The following CORO2B variants were observed in gnomAD, a reference collection of about 807,000 sequenced individuals.
The protein encoded by CORO2B is coronin-2B.
Under a neutral mutation model 58.8 loss-of-function variants are expected in CORO2B, and 26 were observed. The ratio of observed to expected loss-of-function variants is 0.44; its 90% CI spans 0.32 to 0.61. The LOEUF is 0.61. Among genes scored for constraint, CORO2B ranks in the 20% least tolerant of loss-of-function variants. The pLI is 0.04. For missense variants in CORO2B, 460 were observed against 645.1 expected (o/e 0.71, Z 3.11); for synonymous variants, 242 against 253.8 (o/e 0.95, Z 0.44).
intron 2 of CORO2B, 104 bp from the exon 3 acceptor site, chr15:68,695,036 C>A (rs1341175189): frequency 2.4e-6 from 2 of 837,298 alleles, no homozygotes; most frequent in Non-Finnish European, 4.0e-6. Context: ...CCTCAAGGAC[C>A]TTCCAGTCCA....
At chr15:68,663,836 C>T (rs16952350) in intron 2 of CORO2B, among the ~76,000 whole-genome samples, 9,749 of 152,232 alleles carry the variant, frequency 0.064, 680 homozygotes, top group African/African-American at 0.18. Context: ...AATTAGCATT[C>T]TTATTAAGAC....
intron 1 of CORO2B, among the ~76,000 whole-genome samples, chr15:68,627,205 TTATGTC>T (rs1213284091): frequency 2.0e-5 from 3 of 152,270 alleles, no homozygotes; most frequent in East Asian, 1.9e-4. Context: ...TTGTTTTACT[TTATGTC>T]TGTGTATTCA....
chr15:68,544,596 A>G, the CORO2B span, among the ~76,000 whole-genome samples: 1 of 152,168 alleles, frequency 6.6e-6, no homozygotes, highest in African/African-American at 2.4e-5. Context: ...TGGTCTCCTC[A>G]AGGAAACAAT....
At chr15:68,672,159 G>GGTGTGTGTGTGTGTGTGTGTGTGTGTGT (rs60989044) in intron 2 of CORO2B, among the ~76,000 whole-genome samples, 12 of 146,288 alleles carry the variant, frequency 8.2e-5, no homozygotes, top group East Asian at 2.0e-4. Context: ...GTAATCGGGA[G>GGTGTGTGTGTGTGTGTGTGTGTGTGTGT]GTGTGTGTGT....
At chr15:68,689,089 T>A (rs1448822431) in intron 2 of CORO2B, among the ~76,000 whole-genome samples, 2 of 144,966 alleles carry the variant, frequency 1.4e-5, no homozygotes, top group Non-Finnish European at 3.0e-5. Context: ...CAGCTGCGAT[T>A]CAACATTTGA....
At chr15:68,587,102 T>A (rs1456222463) in intron 1 of CORO2B, among the ~76,000 whole-genome samples, 1 of 147,408 alleles carries the variant, frequency 6.8e-6, no homozygotes, top group Admixed American at 6.8e-5. Flanking sequence ...ACACAATTTT[T>A]TTCTAAAGTG....
chr15:68,538,063 C>T, the CORO2B span, among the ~76,000 whole-genome samples: 4 of 152,180 alleles, frequency 2.6e-5, no homozygotes, highest in African/African-American at 9.7e-5. Flanking sequence ...CATTTACTTA[C>T]GTTACCTTTA....
At position 68,718,738 on chromosome 15, in the gene CORO2B, G is replaced by A; in HGVS notation, c.1008G>A (p.Glu336=). 1 of 1,614,210 alleles carries A rather than the reference G, an allele frequency of 6.2e-7. No homozygotes were observed. The highest frequency in any genetic ancestry group is 8.5e-7 in the Non-Finnish European group (1 of 1,180,038). ...ACGGGCTGGATGTGTCAGCCTGCGA[G>A]GTGTTCCGCTTCTACAAGCTGGTGA... ...PKHGLDVSAC[E]VFRFYKLVTL... Residue 336 remains glutamate, a synonymous_variant, in exon 9 of 12, where the codon GAG becomes GAA. Coordinates refer to ENST00000261861, the MANE Select transcript of CORO2B (RefSeq NM_006091.5).
chr15:68,537,355 C>T, the CORO2B span, among the ~76,000 whole-genome samples: 1 of 152,170 alleles, frequency 6.6e-6, no homozygotes, highest in African/African-American at 2.4e-5. Flanking sequence ...CATTATTCTC[C>T]AGAGACTACT....
intron 2 of CORO2B, among the ~76,000 whole-genome samples, chr15:68,669,685 G>A (rs374023266): frequency 8.6e-5 from 13 of 152,044 alleles, no homozygotes; most frequent in Non-Finnish European, 5.9e-5. Flanking sequence ...GTGGGTTTTG[G>A]GCTCAACAAA....
chr15:68,713,892 C>T, intron 5 of CORO2B, 33 bp from the exon 6 acceptor site: 4 of 1,512,974 alleles, frequency 2.6e-6, no homozygotes, highest in Non-Finnish European at 3.7e-6. Flanking sequence ...ATGTTGGGGA[C>T]CCTGGCTCAC....
intron 2 of CORO2B, among the ~76,000 whole-genome samples, chr15:68,654,056 T>A (rs1371229013): frequency 6.6e-6 from 1 of 152,182 alleles, no homozygotes; most frequent in East Asian, 1.9e-4. Flanking sequence ...GTAAGTGACT[T>A]TGGAAAAGGG....
At position 68,711,632 on chromosome 15, in the gene CORO2B, G is replaced by A. The variant is rs1181252401; in HGVS notation, c.574G>A (p.Gly192Ser). ...VILCMSFNTD[G>S]SLLTTTCKDK... ...CCTCTGCATGTCCTTCAACACGGAC[G>A]GCAGCCTGCTCACCACCACGTGCAA... The change falls in exon 5 of 12, where the codon GGC becomes AGC. Residue 192 changes from glycine to serine, a missense_variant. By Grantham distance (56) the Gly-to-Ser change is moderately conservative. Transcript: ENST00000261861. 6.2e-7 allele frequency: 1 copy of A among 1,614,044 alleles called. No individual in the cohort carries two copies. The highest frequency in any genetic ancestry group is 8.5e-7 in the Non-Finnish European group (1 of 1,179,964).
intron 1 of CORO2B, among the ~76,000 whole-genome samples, chr15:68,616,773 G>A (rs1016753008): frequency 1.3e-5 from 2 of 151,320 alleles, no homozygotes; most frequent in African/African-American, 4.9e-5. Context: ...ACAGACAGGT[G>A]TGTGCAGAGG....
intron 1 of CORO2B, among the ~76,000 whole-genome samples, chr15:68,629,743 G>A (rs1900775828): frequency 6.6e-6 from 1 of 152,168 alleles, no homozygotes; most frequent in African/African-American, 2.4e-5. Flanking sequence ...GGCTGAGGCA[G>A]AAGCTAATTG....
chr15:68,704,039 TACACACACACACACACACACACAC>T (rs10566834), intron 3 of CORO2B, among the ~76,000 whole-genome samples: 1 of 128,036 alleles, frequency 7.8e-6, no homozygotes, highest in Admixed American at 8.1e-5. Context: ...TACACACACA[TACACACACACACACACACACACAC>T]ACACACACAC....
chr15:68,575,228 G>A (rs1043316793), upstream of CORO2B, among the ~76,000 whole-genome samples: 2 of 152,168 alleles, frequency 1.3e-5, no homozygotes, highest in African/African-American at 4.8e-5. Flanking sequence ...GAGGAGGGTG[G>A]ATAAACACCC....
chr15:68,678,492 G>A (rs1229819172), intron 2 of CORO2B, among the ~76,000 whole-genome samples: 1 of 152,094 alleles, frequency 6.6e-6, no homozygotes, highest in Admixed American at 6.6e-5. Context: ...TGGCCAACAT[G>A]GTGAAACCCC....
the CORO2B span, among the ~76,000 whole-genome samples, chr15:68,568,998 A>T: frequency 1.3e-5 from 2 of 152,352 alleles, no homozygotes; most frequent in East Asian, 3.9e-4. Flanking sequence ...TAAAAATTTT[A>T]AAAAGCACAT....
Sources: gnomAD v4.1 joint callset for allele counts (sites outside exome capture counted in the v4.1 genomes callset) on GRCh38, gnomAD v4.1.1 for gene constraint, MANE v1.5 for transcripts, NCBI Gene and HGNC (gene_info 2026-07-23, HGNC 2026-07-21) for gene names.